Variants in LGI1 observed in about 807,000 individuals in gnomAD.
The protein encoded by LGI1 is leucine rich glioma inactivated 1, also known as leucine-rich glioma-inactivated protein 1.
A neutral mutation model predicts 57.7 loss-of-function variants in LGI1; 11 were observed. That is an observed-to-expected ratio of 0.19 (90% CI 0.12 to 0.32). LGI1 has a LOEUF of 0.32. LGI1 is among the 10% of genes least tolerant of loss of function. The pLI, the probability that LGI1 is intolerant of heterozygous loss-of-function variation, is 1.00. For missense variants in LGI1, 422 were observed against 661.9 expected, an observed-to-expected ratio of 0.64 and a Z score of 3.98; for synonymous variants, 222 against 241.9, an observed-to-expected ratio of 0.92 and a Z score of 0.76.
chr10:93,758,733 T>C lies in LGI1; in HGVS notation c.216-27T>C. 1 of 1,543,498 alleles carries C rather than the reference T, an allele frequency of 6.5e-7. No homozygotes were observed. The highest frequency in any genetic ancestry group is 8.9e-7 in the Non-Finnish European group (1 of 1,117,516). ...GTCTCTTTGTGTGTGTCTGTTTGTT[T>C]GTTTTCTCTTTTTTGTTTTCTTTCA... is the stretch of plus-strand genomic sequence containing the variant. On this transcript the variant is annotated intron_variant, in intron 1 of 7. Transcript: ENST00000371418. The surrounding 1 kb of genome is among the most constrained non-coding windows in gnomAD (Gnocchi z 4.7).
At chr10:93,784,976 T>C (rs911094981) in intron 4 of LGI1, among the ~76,000 whole-genome samples, 5 of 152,218 alleles carry the variant, frequency 3.3e-5, no homozygotes, top group African/African-American at 1.2e-4. Flanking sequence ...AGTGGTTACT[T>C]CTGCTATGAT....
intron 2 of LGI1, chr10:93,770,685 C>G (rs2059727446): frequency 6.6e-6 from 1 of 152,116 alleles, no homozygotes; most frequent in African/African-American, 2.4e-5. Flanking sequence ...TGACCCGTCC[C>G]TACAGACAGC....
At chr10:93,765,969 CA>C (rs35644716) in intron 2 of LGI1, among the ~76,000 whole-genome samples, 54,430 of 95,026 alleles carry the variant, frequency 0.57, 11,731 homozygotes, top group Middle Eastern at 0.67. Context: ...GCCTCCGTCT[CA>C]AAAAAAAAAA....
chr10:93,758,179 C>T lies in LGI1; in HGVS notation c.35C>T (p.Ala12Val), dbSNP rs1229235863. 6.2e-7 allele frequency: 1 copy of T among 1,614,160 alleles called. No homozygotes were observed. Among genetic ancestry groups the T allele is most frequent in the Non-Finnish European group, 8.5e-7 (1 of 1,180,020 alleles). ...GAAAGAAGCAAAAGGATGGGAAATG[C>T]CTGCATTCCCCTGAAAAGAATTGCT... ...ESERSKRMGNACIPLKRIAYF... is the reference protein window; with the variant it reads ...ESERSKRMGNVCIPLKRIAYF... The change falls in exon 1 of 8, where the codon GCC (alanine) becomes GTC (valine). Residue 12 changes from alanine (A) to valine (V), a missense_variant. Ala to Val is a moderately conservative substitution (Grantham distance 64, BLOSUM62 0). Coordinates refer to ENST00000371418, the MANE Select transcript of LGI1 (RefSeq NM_005097.4). This position sits in a 1 kb window ranked among gnomAD's most constrained non-coding sequence, Gnocchi z 4.7.
intron 7 of LGI1, chr10:93,794,173 C>T (rs926006661): frequency 6.6e-6 from 1 of 151,550 alleles, no homozygotes; most frequent in African/African-American, 2.4e-5. Context: ...TGCGTGCCAC[C>T]ATGTCCAGCT....
At chr10:93,789,050 G>T (rs191817688) in intron 4 of LGI1, 1 of 152,132 alleles carries the variant, frequency 6.6e-6, no homozygotes, top group Non-Finnish European at 1.5e-5. Flanking sequence ...CTATATTTGT[G>T]TACTAGGGAC....
intron 4 of LGI1, chr10:93,789,060 C>T (rs1475469929): frequency 6.6e-6 from 1 of 152,192 alleles, no homozygotes; most frequent in Admixed American, 6.5e-5. Context: ...GTACTAGGGA[C>T]ACATTTCCCT....
At chr10:93,791,887 A>G (rs2059940461) in intron 5 of LGI1, 1 of 152,194 alleles carries the variant, frequency 6.6e-6, no homozygotes, top group African/African-American at 2.4e-5. Context: ...GAGGATCAGG[A>G]TTAATTATGT....
chr10:93,790,193 T>A, intron 5 of LGI1, 23 bp downstream of exon 5: 1 of 1,564,114 alleles, frequency 6.4e-7, no homozygotes, highest in Non-Finnish European at 8.8e-7. Context: ...AAGAAATCAC[T>A]GAACAATTAA....
At chr10:93,789,924 G>T in intron 4 of LGI1, 175 bp from the exon 5 acceptor site, 1 of 630,690 alleles carries the variant, frequency 1.6e-6, no homozygotes, top group South Asian at 2.0e-5. Context: ...AACAGGTTAG[G>T]AACTGAAAGG....
chr10:93,788,672 G>T (rs894624453), intron 4 of LGI1: 1 of 152,140 alleles, frequency 6.6e-6, no homozygotes, highest in Non-Finnish European at 1.5e-5. Flanking sequence ...GCATTCCAAG[G>T]TTCATTGAGA....
At chr10:93,796,474 A>G (rs576027228) in intron 7 of LGI1, among the ~76,000 whole-genome samples, 1 of 151,934 alleles carries the variant, frequency 6.6e-6, no homozygotes, top group East Asian at 1.9e-4. Context: ...TGAATCCCCA[A>G]CTCTGCCTTC....
At chr10:93,763,617 A>T (rs2059645840) in intron 2 of LGI1, 1 of 152,194 alleles carries the variant, frequency 6.6e-6, no homozygotes, top group African/African-American at 2.4e-5. Flanking sequence ...GGTGCACCCT[A>T]TCTGAATTCA....
At chr10:93,766,175 A>T (rs946388571) in intron 2 of LGI1, among the ~76,000 whole-genome samples, 2 of 152,180 alleles carry the variant, frequency 1.3e-5, no homozygotes, top group African/African-American at 4.8e-5. Context: ...TGATAAAATG[A>T]TGTTTCAGTA....
intron 4 of LGI1, among the ~76,000 whole-genome samples, chr10:93,786,027 A>C (rs7068948): frequency 0.32 from 14,645 of 45,134 alleles, 5,289 homozygotes; most frequent in African/African-American, 0.39. Context: ...TCAGATGCCC[A>C]TGATGATTTG....
At position 93,758,344 on chromosome 10, in the gene LGI1, C is replaced by T; in HGVS notation, c.200C>T (p.Pro67Leu). The T allele has an allele frequency of 6.2e-7, 1 of 1,614,056 alleles. No individual in the cohort carries two copies. The highest frequency in any genetic ancestry group is 1.3e-5 in the African/African-American group (1 of 75,044). Residue 67 changes from proline to leucine, a missense_variant, in exon 1 of 8, where the codon CCT (proline) becomes CTT (leucine). By Grantham distance (98) the Pro-to-Leu change is moderately conservative. Coordinates refer to ENST00000371418, the MANE Select transcript of LGI1 (RefSeq NM_005097.4). The surrounding 1 kb of genome is among the most constrained non-coding windows in gnomAD (Gnocchi z 4.7). The stretch of plus-strand genomic sequence containing the variant: ...AGATCCATTCCACGCACCGTTCCTC[C>T]TGATGTTATCTCATTGTAAGGCCCG... Reference protein sequence around the residue: ...NARSIPRTVPPDVISLSFVRS... With the variant: ...NARSIPRTVPLDVISLSFVRS...
chr10:93,788,868 G>A (rs2059911357), intron 4 of LGI1: 1 of 152,034 alleles, frequency 6.6e-6, no homozygotes, highest in Non-Finnish European at 1.5e-5. Flanking sequence ...GGGTTTAGAG[G>A]CTAATGGTAT....
At chr10:93,784,864 A>G (rs559484929) in intron 4 of LGI1, among the ~76,000 whole-genome samples, 81 of 152,298 alleles carry the variant, frequency 5.3e-4, no homozygotes, top group South Asian at 2.1e-3. Flanking sequence ...GAGAAGGACT[A>G]GACACTCTGT....
intron 2 of LGI1, chr10:93,770,170 G>C (rs1280977218): frequency 6.6e-6 from 1 of 152,220 alleles, no homozygotes. Context: ...CACATCTTTA[G>C]AGCTACAAAA....
Sources: allele counts gnomAD v4.1 joint callset (sites outside exome capture counted in the v4.1 genomes callset), GRCh38; gene constraint gnomAD v4.1.1; non-coding constraint Gnocchi (gnomAD v3.1); transcripts MANE v1.5; gene names NCBI Gene and HGNC (gene_info 2026-07-23, HGNC 2026-07-21).